KCND2: variants seen among roughly 807,000 people sequenced by gnomAD.
KCND2 encodes potassium voltage-gated channel subfamily D member 2.
A neutral mutation model predicts 54.4 loss-of-function variants in KCND2; 16 were observed. The observed-to-expected ratio is 0.29, with a 90% confidence interval of 0.20 to 0.45. The LOEUF (loss-of-function observed/expected upper bound fraction) is 0.45, where lower values mean the gene tolerates loss of function less well. Among genes scored for constraint, KCND2 ranks in the 20% least tolerant of loss-of-function variants. The pLI, the probability that KCND2 is intolerant of heterozygous loss-of-function variation, is 1.00. For missense variants in KCND2, 486 were observed against 824.2 expected, an observed-to-expected ratio of 0.59 and a Z score of 5.02; for synonymous variants, 317 against 310.7, an observed-to-expected ratio of 1.02 and a Z score of -0.21.
At chr7:120,315,235 C>A in intron 1 of KCND2, among the ~76,000 whole-genome samples, 1 of 152,148 alleles carries the variant, frequency 6.6e-6, no homozygotes, top group East Asian at 1.9e-4. Flanking sequence ...CATTCATTGA[C>A]AGGCTTAACT....
rs567343411 is a variant in KCND2 at position 120,659,993 on chromosome 7, A to G, written c.1116-72910A>G. 1.7e-3 allele frequency among the ~76,000 whole-genome samples: 252 copies of G among 152,128 alleles called. 3 individuals carry two copies. The highest frequency in any genetic ancestry group is 5.8e-3 in the African/African-American group (241 of 41,494). On this transcript the variant is annotated intron_variant, in intron 1 of 5. Coordinates refer to ENST00000331113, the MANE Select transcript of KCND2 (RefSeq NM_012281.3). ...AGTTGCTGCAGAGACCGGTAAGAAT[A>G]CTCATCACCTCTGACGACATGCAGG...
At chr7:120,672,735 C>T (rs1164336944) in intron 1 of KCND2, 2 of 151,994 alleles carry the variant, frequency 1.3e-5, no homozygotes, top group African/African-American at 2.4e-5. Context: ...GAAACCCTAG[C>T]CCCCAGTATT....
At chr7:120,638,920 A>G (rs1001463876) in intron 1 of KCND2, among the ~76,000 whole-genome samples, 3 of 152,064 alleles carry the variant, frequency 2.0e-5, no homozygotes, top group South Asian at 2.1e-4. Flanking sequence ...TTGTGTGGAG[A>G]GAGAGAAACT....
intron 1 of KCND2, among the ~76,000 whole-genome samples, chr7:120,598,965 A>G (rs946127816): frequency 2.0e-5 from 3 of 152,130 alleles, no homozygotes; most frequent in Non-Finnish European, 2.9e-5. Flanking sequence ...TATGTTTTAC[A>G]TTTAGGTAGC....
At chr7:120,451,051 A>G (rs1584784255) in intron 1 of KCND2, among the ~76,000 whole-genome samples, 1 of 151,826 alleles carries the variant, frequency 6.6e-6, no homozygotes, top group South Asian at 2.1e-4. Context: ...CCTTCTGTCT[A>G]TTGATTCTTC....
Position 120,742,562 on chromosome 7 carries a change from C to G in KCND2, c.1427C>G (p.Thr476Ser). The G allele has an allele frequency of 1.2e-6, 2 of 1,613,596 alleles. No homozygotes were observed. The highest frequency in any genetic ancestry group is 1.7e-6 in the Non-Finnish European group (2 of 1,179,634). Residue 476 changes from threonine (T) to serine (S), a missense_variant, in exon 4 of 6, where the codon ACC (threonine) becomes AGC (serine). Physicochemically the swap from Thr to Ser is moderately conservative, Grantham distance 58 (BLOSUM62 1). Transcript: ENST00000331113. ...FVSKSGSSFE[T>S]QHHHLLHCLE... is the part of the protein sequence containing the mutation. Reference sequence around the variant, plus strand: ...AGCAAATCCGGCTCCAGCTTTGAAACCCAGCACCACCACCTGCTTCACTGC... The same window carrying G: ...AGCAAATCCGGCTCCAGCTTTGAAAGCCAGCACCACCACCTGCTTCACTGC...
chr7:120,346,954 G>T (rs998443893), intron 1 of KCND2, among the ~76,000 whole-genome samples: 1 of 152,146 alleles, frequency 6.6e-6, no homozygotes, highest in African/African-American at 2.4e-5. Context: ...TTCCCACATA[G>T]TTCCTTCCCT....
At chr7:120,732,878 T>A (rs1167213341) in intron 1 of KCND2, 25 bp from the exon 2 acceptor site, 1 of 1,589,710 alleles carries the variant, frequency 6.3e-7, no homozygotes, top group Non-Finnish European at 8.6e-7. Flanking sequence ...TAAAACAATA[T>A]ATATATATTT....
intron 1 of KCND2, among the ~76,000 whole-genome samples, chr7:120,650,850 G>A (rs549237747): frequency 7.0e-6 from 1 of 143,876 alleles, no homozygotes; most frequent in Admixed American, 6.8e-5. Flanking sequence ...ACCCTCAGCT[G>A]CAGGTCTGTT....
At chr7:120,602,157 C>T (rs911873455) in intron 1 of KCND2, among the ~76,000 whole-genome samples, 40 of 152,248 alleles carry the variant, frequency 2.6e-4, no homozygotes, top group African/African-American at 9.4e-4. Flanking sequence ...ATGTAAATAG[C>T]ATTAAGGGAA....
At chr7:120,571,539 G>A (rs905127452) in intron 1 of KCND2, among the ~76,000 whole-genome samples, 8 of 152,250 alleles carry the variant, frequency 5.3e-5, no homozygotes, top group Non-Finnish European at 1.0e-4. Flanking sequence ...TGCTTCTCAC[G>A]CTCTATTCTA....
At position 120,453,675 on chromosome 7, in the gene KCND2, C is replaced by A. The variant is rs181524280; in HGVS notation, c.1115+177928C>A. Among the ~76,000 whole-genome samples, 1,194 of 152,170 alleles carry A rather than the reference C, an allele frequency of 7.8e-3. 11 individuals are homozygous for A. The highest frequency in any genetic ancestry group is 0.017 in the Middle Eastern group (5 of 294). On this transcript the variant is annotated intron_variant, in intron 1 of 5. Transcript: ENST00000331113. ...TGCTCCTTAATGACTTTGTAGTAAA[C>A]AATGAAATAAAGGTAGAAATCAAGT...
At chr7:120,503,967 G>T (rs1411026426) in intron 1 of KCND2, among the ~76,000 whole-genome samples, 2 of 151,826 alleles carry the variant, frequency 1.3e-5, no homozygotes, top group Admixed American at 6.6e-5. Context: ...CTCCTTTCTT[G>T]TATCGTTCTA....
chr7:120,310,436 T>G (rs1295134911), intron 1 of KCND2, among the ~76,000 whole-genome samples: 1 of 152,202 alleles, frequency 6.6e-6, no homozygotes, highest in Admixed American at 6.5e-5. Context: ...TTTTTTCTTT[T>G]ATTAAGATAA....
chr7:120,321,277 GT>G (rs965604173), intron 1 of KCND2, among the ~76,000 whole-genome samples: 3 of 151,890 alleles, frequency 2.0e-5, no homozygotes, highest in African/African-American at 7.3e-5. Context: ...ATCTATCTAT[GT>G]TTTTTCTGTA....
At chr7:120,473,527 T>C (rs894206500) in intron 1 of KCND2, among the ~76,000 whole-genome samples, 3 of 152,134 alleles carry the variant, frequency 2.0e-5, no homozygotes, top group African/African-American at 7.2e-5. Context: ...CACCTAATAC[T>C]ATCTCTTCCT....
At chr7:120,426,514 C>G (rs774072009) in intron 1 of KCND2, among the ~76,000 whole-genome samples, 10 of 151,936 alleles carry the variant, frequency 6.6e-5, no homozygotes, top group Non-Finnish European at 1.2e-4. Flanking sequence ...TTTCTTCCTG[C>G]CACCTTAGAA....
chr7:120,589,012 A>T (rs1792636364), intron 1 of KCND2, among the ~76,000 whole-genome samples: 2 of 152,198 alleles, frequency 1.3e-5, no homozygotes, highest in Admixed American at 1.3e-4. Context: ...TAAAACATTA[A>T]CCAAAAAAGC....
Position 120,532,951 on chromosome 7 carries a change from G to A in KCND2, c.1116-199952G>A, listed in dbSNP as rs145208727. 2.2e-3 allele frequency among the ~76,000 whole-genome samples: 336 copies of A among 152,020 alleles called. 2 individuals are homozygous for A. Among genetic ancestry groups the A allele is most frequent in the African/African-American group, 7.6e-3 (315 of 41,524 alleles). ...TGTAAACACACATACTCCCCTGAAA[G>A]GATATAAAGTAAATTTTACAGTAGT... On this transcript the variant is annotated intron_variant, in intron 1 of 5. Coordinates refer to ENST00000331113, the MANE Select transcript of KCND2 (RefSeq NM_012281.3).
Sources: gnomAD v4.1 joint callset for allele counts (sites outside exome capture counted in the v4.1 genomes callset) on GRCh38, gnomAD v4.1.1 for gene constraint, MANE v1.5 for transcripts, NCBI Gene and HGNC (gene_info 2026-07-23, HGNC 2026-07-21) for gene names.